Variants in MED15 observed in about 807,000 individuals in gnomAD.
The protein encoded by MED15 is mediator of RNA polymerase II transcription subunit 15.
In MED15, 41 loss-of-function variants were observed where a neutral mutation model predicts 118.7. The observed-to-expected ratio is 0.35, with a 90% CI of 0.27 to 0.45. The LOEUF is 0.45. MED15 is among the 20% of genes least tolerant of loss of function. The probability of loss-of-function intolerance (pLI) is 1.00; values close to 1 mark genes in which losing one functional copy is unlikely to be tolerated. For missense variants in MED15, 740 were observed against 1,025.5 expected, an observed-to-expected ratio of 0.72 and a Z score of 3.80; for synonymous variants, 436 against 413.9, an observed-to-expected ratio of 1.05 and a Z score of -0.65.
chr22:20,524,243 C>T (rs1311628537), intron 1 of MED15: 1 of 152,166 alleles, frequency 6.6e-6, no homozygotes, highest in Non-Finnish European at 1.5e-5. Context: ...ATCGGTATCT[C>T]ATCATTTCCT....
chr22:20,519,701 T>C (rs2054381353), intron 1 of MED15, among the ~76,000 whole-genome samples: 1 of 152,208 alleles, frequency 6.6e-6, no homozygotes, highest in Non-Finnish European at 1.5e-5. Context: ...GTGATCTGCC[T>C]GCCGCATCCT....
At chr22:20,580,514 G>C (rs2056950319) in intron 9 of MED15, among the ~76,000 whole-genome samples, 1 of 152,150 alleles carries the variant, frequency 6.6e-6, no homozygotes, top group African/African-American at 2.4e-5. Flanking sequence ...CTTCAAGCAG[G>C]AAGAGAGGTG....
intron 2 of MED15, among the ~76,000 whole-genome samples, chr22:20,537,475 A>G (rs1406430683): frequency 1.3e-5 from 2 of 152,084 alleles, no homozygotes; most frequent in South Asian, 2.1e-4. Flanking sequence ...TGTGAATCCT[A>G]CAGGAAGCTT....
At chr22:20,528,040 C>G (rs12165407) in intron 1 of MED15, among the ~76,000 whole-genome samples, 1 of 151,808 alleles carries the variant, frequency 6.6e-6, no homozygotes, top group African/African-American at 2.4e-5. Flanking sequence ...ATTACAGGTG[C>G]GAACCACTGC....
At position 20,584,940 on chromosome 22, in the gene MED15, G is replaced by A; in HGVS notation, c.1889G>A (p.Arg630His). The A allele has an allele frequency of 3.7e-6, 6 of 1,613,940 alleles. No individual in the cohort carries two copies. The highest frequency in any genetic ancestry group is 5.1e-6 in the Non-Finnish European group (6 of 1,180,002). Reference protein sequence around the residue: ...PLLDAVLANIRSPVFNHSLYR... With the variant: ...PLLDAVLANIHSPVFNHSLYR... ...CTGGATGCCGTCCTGGCCAACATCC[G>A]CTCACCTGTCTTCAACCATTCCCTG... Residue 630 changes from arginine to histidine, a missense_variant, in exon 15 of 18, where the codon CGC becomes CAC. Arg to His is a conservative substitution (Grantham distance 29). Transcript: ENST00000263205.
At chr22:20,563,277 C>G (rs2056312974) in intron 5 of MED15, among the ~76,000 whole-genome samples, 1 of 152,034 alleles carries the variant, frequency 6.6e-6, no homozygotes, top group Non-Finnish European at 1.5e-5. Context: ...TTGTGGTAGC[C>G]CAAATCTACA....
At chr22:20,519,437 G>GTTTT (rs367839665) in intron 1 of MED15, among the ~76,000 whole-genome samples, 3 of 140,108 alleles carry the variant, frequency 2.1e-5, no homozygotes, top group African/African-American at 5.2e-5. Flanking sequence ...TTTTGAGGGT[G>GTTTT]TTTTTTTTTT....
At chr22:20,533,064 G>C (rs944986714) in intron 1 of MED15, among the ~76,000 whole-genome samples, 3 of 152,244 alleles carry the variant, frequency 2.0e-5, no homozygotes, top group African/African-American at 7.2e-5. Context: ...TGCTCAGGAA[G>C]GCATGCTGGG....
intron 1 of MED15, among the ~76,000 whole-genome samples, chr22:20,536,220 G>A (rs570078023): frequency 6.6e-6 from 1 of 152,226 alleles, no homozygotes; most frequent in East Asian, 1.9e-4. Context: ...GCCAGGCAAG[G>A]AAGAGACCCA....
chr22:20,565,888 G>C (rs980978071), intron 6 of MED15, among the ~76,000 whole-genome samples: 3 of 150,892 alleles, frequency 2.0e-5, no homozygotes, highest in African/African-American at 7.5e-5. Flanking sequence ...TGGAATGGTA[G>C]ACCAGAGCCC....
intron 3 of MED15, 36 bp from the exon 4 acceptor site, chr22:20,553,109 G>A: frequency 6.3e-7 from 1 of 1,588,120 alleles, no homozygotes; most frequent in Non-Finnish European, 8.6e-7. Context: ...ATAAAACTAT[G>A]TTTACTTTCG....
chr22:20,585,382 C>A, intron 16 of MED15, 115 bp downstream of exon 16: 1 of 1,360,440 alleles, frequency 7.4e-7, no homozygotes, highest in East Asian at 2.4e-5. Context: ...GTGTTCACGC[C>A]CCGCCAGGCT....
At chr22:20,525,096 TC>T (rs1173085251) in intron 1 of MED15, among the ~76,000 whole-genome samples, 5 of 151,996 alleles carry the variant, frequency 3.3e-5, no homozygotes, top group Admixed American at 1.3e-4. Flanking sequence ...TGCCAGGAGT[TC>T]AAGACTAGCT....
At chr22:20,513,488 AG>A (rs2054150182) in intron 1 of MED15, among the ~76,000 whole-genome samples, 1 of 152,116 alleles carries the variant, frequency 6.6e-6, no homozygotes, top group African/African-American at 2.4e-5. Context: ...CATCTTGGTC[AG>A]GCTGGTCTTG....
intron 4 of MED15, among the ~76,000 whole-genome samples, chr22:20,554,033 G>T (rs2055891078): frequency 6.6e-6 from 1 of 152,238 alleles, no homozygotes; most frequent in Non-Finnish European, 1.5e-5. Context: ...GGAGTGCACT[G>T]ACCTCACAGG....
intron 4 of MED15, 166 bp from the exon 5 acceptor site, chr22:20,554,770 T>G: frequency 1.6e-6 from 1 of 638,010 alleles, no homozygotes. Context: ...GTCCTAGCCA[T>G]TCATATTTGG....
At chr22:20,555,191 A>G (rs763358834) in intron 5 of MED15, 43 bp downstream of exon 5, 3 of 1,499,916 alleles carry the variant, frequency 2.0e-6, no homozygotes, top group Admixed American at 2.0e-5. Flanking sequence ...TTTCCTTGCA[A>G]ACGACAACAC....
intron 5 of MED15, among the ~76,000 whole-genome samples, chr22:20,558,275 CTACTGCATGAT>C (rs1189173713): frequency 6.6e-6 from 1 of 152,076 alleles, no homozygotes; most frequent in East Asian, 1.9e-4. Flanking sequence ...TTCCCAAAGA[CTACTGCATGAT>C]TAAGGCCCTT....
At chr22:20,585,316 G>A (rs557038173) in intron 16 of MED15, 49 bp downstream of exon 16, 8 of 1,593,646 alleles carry the variant, frequency 5.0e-6, no homozygotes, top group Admixed American at 3.4e-5. Context: ...GGCCCTGACC[G>A]CAGCCCCAGG....
Sources: gnomAD v4.1 joint callset for allele counts (sites outside exome capture counted in the v4.1 genomes callset) on GRCh38, gnomAD v4.1.1 for gene constraint, MANE v1.5 for transcripts, NCBI Gene and HGNC (gene_info 2026-07-23, HGNC 2026-07-21) for gene names.